CDH22: variants seen among roughly 807,000 people sequenced by gnomAD.
CDH22 encodes the protein cadherin 22.
A neutral mutation model predicts 58.4 loss-of-function variants in CDH22; 30 were observed. That is an observed-to-expected ratio of 0.51 (90% confidence interval 0.38 to 0.70). CDH22 has a LOEUF of 0.70. Ranked by LOEUF, CDH22 falls within the 30% of genes least tolerant of loss-of-function variation. The pLI, the probability that CDH22 is intolerant of heterozygous loss-of-function variation, is 0.00. For synonymous variants in CDH22, 513 were observed against 558.2 expected (o/e 0.92, Z 1.14); for missense variants, 1,014 against 1,233.9 (o/e 0.82, Z 2.67).
At chr20:46,232,067 G>A (rs999199378) in intron 3 of CDH22, among the ~76,000 whole-genome samples, 99 of 152,308 alleles carry the variant, frequency 6.5e-4, no homozygotes, top group African/African-American at 2.3e-3. Flanking sequence ...TCAGGAGGGA[G>A]GGGGCTTGCC....
Position 46,178,484 on chromosome 20 carries a change from T to C in CDH22, c.1664-287A>G, listed in dbSNP as rs537210618. On this transcript the variant is annotated intron_variant, in intron 10 of 11. Transcript: ENST00000537909. Reference sequence around the variant, plus strand: ...CTGTCCTCAAACCATCCCAAGATTCTGTTTTCAGCTATTCTAAGATTTTGT... The same window carrying C: ...CTGTCCTCAAACCATCCCAAGATTCCGTTTTCAGCTATTCTAAGATTTTGT... Among the ~76,000 whole-genome samples the C allele has an allele frequency of 2.7e-3, 408 of 152,112 alleles. 2 individuals are homozygous for C. Among genetic ancestry groups the C allele is most frequent in the African/African-American group, 9.6e-3 (399 of 41,506 alleles).
chr20:46,239,414 C>A (rs908738669), intron 3 of CDH22, among the ~76,000 whole-genome samples: 1 of 152,242 alleles, frequency 6.6e-6, no homozygotes, highest in Non-Finnish European at 1.5e-5. Flanking sequence ...GCACTCACAT[C>A]CACAGCCCCA....
chr20:46,289,156 C>A (rs2086589121), intron 1 of CDH22, among the ~76,000 whole-genome samples: 1 of 152,128 alleles, frequency 6.6e-6, no homozygotes, highest in Admixed American at 6.5e-5. Context: ...ACTTGCTGGT[C>A]CTCTTGCCTG....
chr20:46,283,954 C>T (rs1017763169), intron 1 of CDH22, among the ~76,000 whole-genome samples: 32 of 152,176 alleles, frequency 2.1e-4, no homozygotes, highest in African/African-American at 7.5e-4. Flanking sequence ...AGCTAACAAA[C>T]GGCTGTCGGA....
At chr20:46,186,538 C>A in intron 10 of CDH22, 50 bp downstream of exon 10, 1 of 1,276,494 alleles carries the variant, frequency 7.8e-7, no homozygotes. Context: ...GGGAACAGGG[C>A]AGGGAGACTG....
At chr20:46,245,786 C>A (rs190820171) in intron 2 of CDH22, among the ~76,000 whole-genome samples, 133 of 152,304 alleles carry the variant, frequency 8.7e-4, no homozygotes, top group Middle Eastern at 3.4e-3. Flanking sequence ...ACACTCCAGG[C>A]ACAGTTCTAG....
intron 8 of CDH22, among the ~76,000 whole-genome samples, chr20:46,190,666 T>C (rs555202267): frequency 3.5e-4 from 53 of 152,384 alleles, no homozygotes; most frequent in Admixed American, 6.5e-4. Context: ...TTTAAACTAA[T>C]TGATGCAGCC....
rs570628503 is a variant in CDH22 at position 46,211,593 on chromosome 20, G to T, written c.1033-1033C>A. 2.0e-5 allele frequency among the ~76,000 whole-genome samples: 3 copies of T among 152,288 alleles called. No individual in the cohort carries two copies. The South Asian group carries it at 6.2e-4, about 32-fold the overall frequency. ...CTGCTGGAGTGGGCGGCAGGAGGGG[G>T]CCTGAGAGCTGGGGGTGGGGGAGAT... On this transcript the variant is annotated intron_variant, in intron 6 of 11. Coordinates refer to ENST00000537909, the MANE Select transcript of CDH22 (RefSeq NM_021248.3).
intron 1 of CDH22, among the ~76,000 whole-genome samples, chr20:46,262,255 T>A (rs1679962174): frequency 6.6e-6 from 1 of 151,594 alleles, no homozygotes; most frequent in Admixed American, 6.6e-5. Context: ...GGGCAGGATA[T>A]GCCAAAGCTT....
intron 1 of CDH22, among the ~76,000 whole-genome samples, chr20:46,282,457 G>A (rs1600726111): frequency 6.6e-6 from 1 of 152,136 alleles, no homozygotes. Context: ...AAAATAAAAA[G>A]GGAAAGGAAA....
At chr20:46,276,622 G>T (rs548980616) in intron 1 of CDH22, among the ~76,000 whole-genome samples, 2 of 152,200 alleles carry the variant, frequency 1.3e-5, no homozygotes, top group Non-Finnish European at 2.9e-5. Context: ...GGAACTGCTG[G>T]CATCCCCATC....
intron 1 of CDH22, among the ~76,000 whole-genome samples, chr20:46,292,046 G>A (rs1006362968): frequency 6.6e-6 from 1 of 152,242 alleles, no homozygotes; most frequent in Non-Finnish European, 1.5e-5. Context: ...GACTGCTCCA[G>A]ACAGTAGGCA....
At chr20:46,278,514 G>A (rs75883265) in intron 1 of CDH22, among the ~76,000 whole-genome samples, 5,383 of 152,306 alleles carry the variant, frequency 0.035, 149 homozygotes, top group Admixed American at 0.071. Flanking sequence ...AGATGACCTA[G>A]ACAGACACCT....
intron 1 of CDH22, among the ~76,000 whole-genome samples, chr20:46,279,153 G>A (rs554171425): frequency 2.0e-5 from 3 of 152,310 alleles, no homozygotes; most frequent in Admixed American, 2.0e-4. Flanking sequence ...TACTGCAAGG[G>A]CTGAATGAGA....
chr20:46,246,600 C>T (rs2086330887), intron 2 of CDH22, among the ~76,000 whole-genome samples: 2 of 152,054 alleles, frequency 1.3e-5, no homozygotes, highest in South Asian at 4.2e-4. Flanking sequence ...CCAGGGTTGC[C>T]AATGGGGGCA....
rs527653013 is a variant in CDH22, at chr20:46,253,099, A to G, written c.-399-1406T>C. On this transcript the variant is annotated intron_variant, in intron 1 of 11. Transcript: ENST00000537909. ...GTGGGAGGCTGACCTGGCCCTAGCC[A>G]GATCTTCCTGAGAACAAAGAAAGTG... Among the ~76,000 whole-genome samples the G allele has an allele frequency of 5.9e-5, 9 of 152,350 alleles. No individual in the cohort carries two copies. In the South Asian group the frequency reaches 1.9e-3, roughly 32 times the overall value.
intron 8 of CDH22, among the ~76,000 whole-genome samples, chr20:46,198,326 AC>A (rs2085924956): frequency 1.3e-5 from 2 of 151,032 alleles, no homozygotes; most frequent in South Asian, 2.1e-4. Flanking sequence ...ACACACACAC[AC>A]ACACATATTC....
chr20:46,175,422 C>G (rs961734802), intron 11 of CDH22, among the ~76,000 whole-genome samples: 8 of 152,160 alleles, frequency 5.3e-5, no homozygotes, highest in Non-Finnish European at 8.8e-5. Context: ...TCTGAGGACT[C>G]TAGGTGCTGG....
chr20:46,304,030 A>G (rs1809481630), intron 1 of CDH22, among the ~76,000 whole-genome samples: 1 of 152,142 alleles, frequency 6.6e-6, no homozygotes, highest in Admixed American at 6.5e-5. Flanking sequence ...GAAAAGGTAG[A>G]GATTAGGATG....
Sources: gnomAD v4.1 joint callset for allele counts (sites outside exome capture counted in the v4.1 genomes callset) on GRCh38, gnomAD v4.1.1 for gene constraint, MANE v1.5 for transcripts, NCBI Gene and HGNC (gene_info 2026-07-23, HGNC 2026-07-21) for gene names.